Variants in AQP9 observed in about 807,000 individuals in gnomAD.
AQP9 encodes aquaporin 9.
In AQP9, 19 loss-of-function variants were observed where a neutral mutation model predicts 23.8. The ratio of observed to expected loss-of-function variants is 0.80; its 90% confidence interval spans 0.56 to 1.17. The LOEUF is 1.17. AQP9 is among the 50% of genes most tolerant of loss of function. AQP9 has a pLI of 0.00. For missense variants in AQP9, 413 were observed against 362.0 expected, an observed-to-expected ratio of 1.14 and a Z score of -1.14; for synonymous variants, 153 against 131.5, an observed-to-expected ratio of 1.16 and a Z score of -1.12.
intron 1 of AQP9, among the ~76,000 whole-genome samples, chr15:58,166,341 C>T (rs1254377101): frequency 1.3e-5 from 2 of 152,188 alleles, no homozygotes; most frequent in Non-Finnish European, 2.9e-5. Flanking sequence ...TCTTACAATA[C>T]ATGTGGGTCT....
At chr15:58,146,452 CT>C (rs1898046296) in intron 1 of AQP9, among the ~76,000 whole-genome samples, 1 of 151,886 alleles carries the variant, frequency 6.6e-6, no homozygotes, top group South Asian at 2.1e-4. Flanking sequence ...TTATTTGGTT[CT>C]TTTTTTCTTT....
At chr15:58,178,455 C>G (rs1246407347) in intron 4 of AQP9, among the ~76,000 whole-genome samples, 1 of 152,038 alleles carries the variant, frequency 6.6e-6, no homozygotes, top group Non-Finnish European at 1.5e-5. Context: ...TTGTGTAATT[C>G]TCAAACATCC....
chr15:58,183,206 A>G (rs1595749478), intron 5 of AQP9, among the ~76,000 whole-genome samples: 1 of 152,214 alleles, frequency 6.6e-6, no homozygotes, highest in Non-Finnish European at 1.5e-5. Context: ...TCTTAAATGT[A>G]TATATCCTTA....
chr15:58,147,606 A>G (rs1898071190), intron 1 of AQP9, among the ~76,000 whole-genome samples: 1 of 152,084 alleles, frequency 6.6e-6, no homozygotes, highest in Non-Finnish European at 1.5e-5. Flanking sequence ...AGCCTAGAAC[A>G]GTCAGTCAAG....
At chr15:58,165,584 C>A (rs1274968615) in intron 1 of AQP9, among the ~76,000 whole-genome samples, 1 of 152,202 alleles carries the variant, frequency 6.6e-6, no homozygotes, top group Admixed American at 6.5e-5. Flanking sequence ...CACTGCTCTG[C>A]ATCTTTTTTT....
chr15:58,144,661 T>G (rs1898008649), intron 1 of AQP9, among the ~76,000 whole-genome samples: 1 of 152,188 alleles, frequency 6.6e-6, no homozygotes, highest in Non-Finnish European at 1.5e-5. Flanking sequence ...TCTTGAAGAT[T>G]ACTCAGCATG....
intron 2 of AQP9, among the ~76,000 whole-genome samples, chr15:58,172,798 G>T (rs1280036504): frequency 6.6e-6 from 1 of 152,086 alleles, no homozygotes; most frequent in African/African-American, 2.4e-5. Flanking sequence ...AGCCACTTGA[G>T]CACATCAAGT....
chr15:58,141,382 T>C (rs1296633478), intron 1 of AQP9, among the ~76,000 whole-genome samples: 1 of 152,206 alleles, frequency 6.6e-6, no homozygotes, highest in Non-Finnish European at 1.5e-5. Flanking sequence ...GTAGATAACA[T>C]ACTGTGTAGT....
intron 1 of AQP9, chr15:58,155,685 T>C (rs1403165785): frequency 6.6e-6 from 1 of 152,102 alleles, no homozygotes; most frequent in Non-Finnish European, 1.5e-5. Context: ...CTAATAATTC[T>C]AGTACTATTT....
chr15:58,160,480 G>GT (rs1396841054), intron 1 of AQP9, among the ~76,000 whole-genome samples: 6 of 151,840 alleles, frequency 4.0e-5, no homozygotes, highest in African/African-American at 9.7e-5. Flanking sequence ...GAGAAATGGG[G>GT]TTTCTTTTGT....
intron 4 of AQP9, among the ~76,000 whole-genome samples, chr15:58,177,598 C>T (rs964261217): frequency 1.3e-5 from 2 of 152,190 alleles, no homozygotes; most frequent in Non-Finnish European, 2.9e-5. Context: ...CATCCTGATT[C>T]TTCTGCTTAC....
At chr15:58,144,513 G>T (rs1037010972) in intron 1 of AQP9, among the ~76,000 whole-genome samples, 3 of 151,830 alleles carry the variant, frequency 2.0e-5, no homozygotes, top group African/African-American at 7.3e-5. Context: ...CATTTTTTTT[G>T]TTGTTGAGAA....
At chr15:58,179,101 G>C (rs1595746781) in intron 4 of AQP9, 27 bp from the exon 5 acceptor site, 1 of 1,531,508 alleles carries the variant, frequency 6.5e-7, no homozygotes, top group East Asian at 2.2e-5. Context: ...GCAGGCTAAA[G>C]CCCTGGCTCA....
Position 58,184,209 on chromosome 15 carries a change from C to G in AQP9, c.*74C>G. On this transcript the variant is annotated 3_prime_UTR_variant, in exon 6 of 6. Coordinates refer to ENST00000219919, the MANE Select transcript of AQP9 (RefSeq NM_020980.5). The stretch of plus-strand genomic sequence containing the variant: ...AAGATGGCATCTAAGTGTCTGTGTT[C>G]TTGTAAGCCTGAGGTGGAATCCACC... The G allele has an allele frequency of 6.7e-7, 1 of 1,496,430 alleles. No homozygotes were observed. The highest frequency in any genetic ancestry group is 1.2e-5 in the South Asian group (1 of 80,176). 92.7% of individuals were successfully genotyped at this position (1,496,430 alleles called of 1,614,324 possible).
chr15:58,162,870 C>T (rs1291832251), intron 1 of AQP9, among the ~76,000 whole-genome samples: 16 of 152,184 alleles, frequency 1.1e-4, no homozygotes, highest in African/African-American at 3.6e-4. Context: ...GCAGGGATGA[C>T]GTGCCACCCC....
chr15:58,159,279 A>C (rs1289675411), intron 1 of AQP9, among the ~76,000 whole-genome samples: 3 of 151,920 alleles, frequency 2.0e-5, no homozygotes, highest in African/African-American at 7.3e-5. Context: ...CCCCAAATTA[A>C]GTTGGGTTTT....
chr15:58,177,539 C>T (rs1898786156), intron 4 of AQP9, among the ~76,000 whole-genome samples: 1 of 152,158 alleles, frequency 6.6e-6, no homozygotes, highest in Non-Finnish European at 1.5e-5. Context: ...TTTTGGAAAG[C>T]AGATGAAATG....
chr15:58,182,050 C>A (rs1364795939), intron 5 of AQP9, among the ~76,000 whole-genome samples: 17 of 152,114 alleles, frequency 1.1e-4, no homozygotes, highest in Non-Finnish European at 5.9e-5. Context: ...GAACGGCAAG[C>A]AGTGGAATGA....
At chr15:58,161,817 G>A (rs1410114601) in intron 1 of AQP9, among the ~76,000 whole-genome samples, 1 of 152,128 alleles carries the variant, frequency 6.6e-6, no homozygotes, top group African/African-American at 2.4e-5. Flanking sequence ...AAAGCCATAT[G>A]ATTCAAATCT....
Sources: gnomAD v4.1 joint callset for allele counts (sites outside exome capture counted in the v4.1 genomes callset) on GRCh38, gnomAD v4.1.1 for gene constraint, MANE v1.5 for transcripts, NCBI Gene and HGNC (gene_info 2026-07-23, HGNC 2026-07-21) for gene names.